The following ACCSL variants were observed in gnomAD, a reference collection of about 807,000 sequenced individuals.
ACCSL encodes the protein 1-aminocyclopropane-1-carboxylate synthase homolog (inactive) like.
ACCSL carries 55 observed loss-of-function variants against 61.7 expected under a neutral mutation model. That is an observed-to-expected ratio of 0.89 (90% CI 0.72 to 1.12). ACCSL has a LOEUF of 1.12. Among genes scored for constraint, ACCSL ranks in the 50% most tolerant of loss-of-function variants. The pLI, the probability that ACCSL is intolerant of heterozygous loss-of-function variation, is 0.00. For missense variants in ACCSL, 632 were observed against 698.0 expected (o/e 0.91, Z 1.07); for synonymous variants, 258 against 264.3 (o/e 0.98, Z 0.23).
At chr11:43,967,841 T>G in the ACCSL span, among the ~76,000 whole-genome samples, 4 of 152,196 alleles carry the variant, frequency 2.6e-5, no homozygotes, top group African/African-American at 9.7e-5. Context: ...TGCCAGCACT[T>G]TCTGAGATCT....
the ACCSL span, among the ~76,000 whole-genome samples, chr11:43,967,345 T>C: frequency 2.0e-5 from 3 of 151,466 alleles, no homozygotes; most frequent in African/African-American, 7.3e-5. Context: ...GCCCAGATAA[T>C]TTTTTGTATT....
chr11:43,942,879 C>G, the ACCSL span: 1 of 1,290,904 alleles, frequency 7.7e-7, no homozygotes, highest in Non-Finnish European at 9.8e-7. Flanking sequence ...GCCCCGCCGC[C>G]CGGCCCCGCA....
chr11:43,954,702 A>G, the ACCSL span, among the ~76,000 whole-genome samples: 2 of 151,690 alleles, frequency 1.3e-5, no homozygotes, highest in Non-Finnish European at 2.9e-5. Flanking sequence ...CTCCTGCCTC[A>G]GCCTCCTGAG....
the ACCSL span, among the ~76,000 whole-genome samples, chr11:44,021,931 A>G: frequency 6.6e-6 from 1 of 151,976 alleles, no homozygotes; most frequent in Non-Finnish European, 1.5e-5. Context: ...TGCTGTAAGT[A>G]TTTGGCTTTA....
At chr11:44,026,815 C>T in the ACCSL span, among the ~76,000 whole-genome samples, 60,827 of 151,816 alleles carry the variant, frequency 0.4, 12,691 homozygotes, top group Admixed American at 0.42. Flanking sequence ...CTGCAACCTC[C>T]GCCTCCTGGG....
the ACCSL span, among the ~76,000 whole-genome samples, chr11:43,931,440 C>A: frequency 6.6e-6 from 1 of 152,214 alleles, no homozygotes; most frequent in Non-Finnish European, 1.5e-5. Flanking sequence ...CCTCTTCACC[C>A]TCTCCCTCTG....
chr11:44,031,492 G>A, the ACCSL span, among the ~76,000 whole-genome samples: 1 of 152,302 alleles, frequency 6.6e-6, no homozygotes, highest in South Asian at 2.1e-4. Flanking sequence ...GGCTCCATGG[G>A]CTTGAATCTT....
chr11:43,958,433 G>T, the ACCSL span, among the ~76,000 whole-genome samples: 1 of 152,060 alleles, frequency 6.6e-6, no homozygotes, highest in South Asian at 2.1e-4. Flanking sequence ...TGATTCACTG[G>T]CCCCCTACCC....
the ACCSL span, among the ~76,000 whole-genome samples, chr11:44,035,343 T>C: frequency 2.6e-5 from 4 of 152,140 alleles, no homozygotes; most frequent in African/African-American, 9.7e-5. Flanking sequence ...AAATACTTGT[T>C]GAGTGAATGA....
the ACCSL span, among the ~76,000 whole-genome samples, chr11:43,989,371 C>T: frequency 3.1e-4 from 47 of 152,340 alleles, no homozygotes; most frequent in African/African-American, 1.1e-3. Flanking sequence ...GATCTCCCCT[C>T]CCCCGCCTGC....
the ACCSL span, among the ~76,000 whole-genome samples, chr11:43,938,060 CAGATG>C: frequency 8.5e-5 from 13 of 152,206 alleles, no homozygotes. Context: ...TCACATTCCA[CAGATG>C]AGAGTTTAGA....
chr11:44,042,944 A>T, the ACCSL span, among the ~76,000 whole-genome samples: 24,956 of 151,744 alleles, frequency 0.16, 2,577 homozygotes, highest in Non-Finnish European at 0.21. Flanking sequence ...TTAGCTGGGC[A>T]TGGTGGTGTG....
At chr11:44,051,504 C>T in intron 4 of ACCSL, 100 bp downstream of exon 4, 1 of 1,548,092 alleles carries the variant, frequency 6.5e-7, no homozygotes, top group Non-Finnish European at 8.9e-7. Flanking sequence ...CCAGTGAAGA[C>T]TCTCAGGGCC....
the ACCSL span, among the ~76,000 whole-genome samples, chr11:43,922,725 G>A: frequency 2.6e-5 from 4 of 152,098 alleles, no homozygotes; most frequent in Non-Finnish European, 4.4e-5. Context: ...AGTTTTCCCC[G>A]GTGGTCCTTT....
chr11:43,957,332 G>A, the ACCSL span, among the ~76,000 whole-genome samples: 2 of 151,776 alleles, frequency 1.3e-5, no homozygotes, highest in African/African-American at 4.8e-5. Context: ...GGGGTTCCAG[G>A]TCACAGGTGG....
At chr11:44,031,419 G>C in the ACCSL span, among the ~76,000 whole-genome samples, 1 of 152,156 alleles carries the variant, frequency 6.6e-6, no homozygotes. Context: ...GATTTTTGAA[G>C]ATGCTCGTTT....
the ACCSL span, among the ~76,000 whole-genome samples, chr11:44,028,377 T>A: frequency 6.6e-6 from 1 of 152,106 alleles, no homozygotes; most frequent in Non-Finnish European, 1.5e-5. Context: ...TTTTCTCTGA[T>A]AATGGAAATG....
the ACCSL span, among the ~76,000 whole-genome samples, chr11:44,020,210 G>A: frequency 0.067 from 10,242 of 152,072 alleles, 375 homozygotes; most frequent in Non-Finnish European, 0.093. Flanking sequence ...TTATTAGCTC[G>A]TATAGTTTGT....
the ACCSL span, among the ~76,000 whole-genome samples, chr11:44,014,483 CAG>C: frequency 0.081 from 10,387 of 128,442 alleles, 406 homozygotes; most frequent in Admixed American, 0.17. Context: ...GAGAGATAGC[CAG>C]AGAGAGAGAG....
Sources: gnomAD v4.1 joint callset for allele counts (sites outside exome capture counted in the v4.1 genomes callset) on GRCh38, gnomAD v4.1.1 for gene constraint, MANE v1.5 for transcripts, NCBI Gene and HGNC (gene_info 2026-07-23, HGNC 2026-07-21) for gene names.